Variants in ZC3H12B observed in about 807,000 individuals in gnomAD.
ZC3H12B encodes probable ribonuclease ZC3H12B.
In ZC3H12B, 7 loss-of-function variants were observed where a neutral mutation model predicts 43.9. The observed-to-expected ratio is 0.16, with a 90% CI of 0.09 to 0.30. The LOEUF (loss-of-function observed/expected upper bound fraction) is 0.30. ZC3H12B is among the 10% of genes least tolerant of loss of function. The probability of loss-of-function intolerance (pLI) is 1.00; values close to 1 mark genes in which losing one functional copy is unlikely to be tolerated. For missense variants in ZC3H12B, 475 were observed against 670.2 expected, an observed-to-expected ratio of 0.71 and a Z score of 3.22; for synonymous variants, 222 against 241.7, an observed-to-expected ratio of 0.92 and a Z score of 0.76.
At chrX:65,162,934 C>T in the ZC3H12B span, among the ~76,000 whole-genome samples, 2 of 112,034 alleles carry the variant, frequency 1.8e-5, no homozygotes, top group South Asian at 7.4e-4. Context: ...GTGATGCACA[C>T]ATGGGTTTTT....
In ZC3H12B at chrX:65,435,007, T is replaced by G. The variant is rs186513024; in HGVS notation, n.407+36303T>G. ...CTTCTCACACATCTCCTTCCCAACT[T>G]ACAGAATCCTACTATTTCTCAATCA... is the stretch of plus-strand genomic sequence containing the variant. On this transcript the variant is annotated intron_variant and non_coding_transcript_variant, in intron 3 of 5. Transcript: ENST00000617377. 1.1e-4 allele frequency among the ~76,000 whole-genome samples: 12 copies of G among 111,858 alleles called. No homozygotes were observed. The East Asian group carries it at 3.4e-3, about 31-fold the overall frequency.
chrX:65,044,553 A>G, the ZC3H12B span, among the ~76,000 whole-genome samples: 7 of 111,692 alleles, frequency 6.3e-5, no homozygotes, highest in Non-Finnish European at 1.3e-4. Flanking sequence ...ATATGTAAAG[A>G]GAATATTCTG....
At chrX:65,189,624 G>A in the ZC3H12B span, among the ~76,000 whole-genome samples, 16 of 101,594 alleles carry the variant, frequency 1.6e-4, no homozygotes, top group South Asian at 1.4e-3. Context: ...CATGTCCTTC[G>A]CCCACTTTTT....
At chrX:65,133,432 G>T in the ZC3H12B span, among the ~76,000 whole-genome samples, 1 of 109,932 alleles carries the variant, frequency 9.1e-6, no homozygotes, top group African/African-American at 3.3e-5. Context: ...TCTAAGGGTT[G>T]TTGCCAAATG....
upstream of ZC3H12B, among the ~76,000 whole-genome samples, chrX:65,363,377 C>T (rs371403598): frequency 2.7e-4 from 30 of 111,844 alleles, no homozygotes; most frequent in Admixed American, 2.1e-3. Context: ...ATCTCTCAAA[C>T]GCTGACCCCT....
At chrX:65,102,946 TA>T in the ZC3H12B span, among the ~76,000 whole-genome samples, 1 of 110,987 alleles carries the variant, frequency 9.0e-6, no homozygotes, top group South Asian at 3.8e-4. Flanking sequence ...TCAAGGGCAA[TA>T]AAATATCACA....
chrX:65,116,644 C>T, the ZC3H12B span, among the ~76,000 whole-genome samples: 5 of 109,698 alleles, frequency 4.6e-5, no homozygotes, highest in South Asian at 2.0e-3. Flanking sequence ...TATACATGTG[C>T]CATGTTGGTG....
chrX:65,414,009 T>G (rs999358980), intron 3 of ZC3H12B, among the ~76,000 whole-genome samples: 3 of 112,358 alleles, frequency 2.7e-5, no homozygotes, highest in Non-Finnish European at 5.6e-5. Flanking sequence ...TTACATTTAT[T>G]TCTAGGCATT....
chrX:65,174,440 C>G, the ZC3H12B span, among the ~76,000 whole-genome samples: 1 of 112,331 alleles, frequency 8.9e-6, no homozygotes, highest in Admixed American at 9.4e-5. Flanking sequence ...TCAGAGCCAG[C>G]AAGCAGGAAT....
At chrX:65,137,303 T>C in the ZC3H12B span, among the ~76,000 whole-genome samples, 1 of 112,141 alleles carries the variant, frequency 8.9e-6, no homozygotes, top group Non-Finnish European at 1.9e-5. Flanking sequence ...GTCAAAGCAA[T>C]ATTTAAGCTT....
the ZC3H12B span, among the ~76,000 whole-genome samples, chrX:65,359,858 C>G: frequency 8.9e-6 from 1 of 111,879 alleles, no homozygotes; most frequent in Non-Finnish European, 1.9e-5. Context: ...AAAATGTTAT[C>G]AACCAGAATC....
At chrX:65,316,142 A>G in the ZC3H12B span, among the ~76,000 whole-genome samples, 1 of 111,918 alleles carries the variant, frequency 8.9e-6, no homozygotes, top group Non-Finnish European at 1.9e-5. Context: ...AGCAATAAAG[A>G]AGAATGGACA....
At chrX:65,469,356 G>A (rs1294999524) in intron 3 of ZC3H12B, 4 of 397,082 alleles carry the variant, frequency 1.0e-5, no homozygotes, top group Non-Finnish European at 4.7e-6. Flanking sequence ...GCTGGTCAAT[G>A]CCAAAGGCAG....
chrX:65,230,276 A>G, the ZC3H12B span, among the ~76,000 whole-genome samples: 5 of 110,443 alleles, frequency 4.5e-5, no homozygotes, highest in African/African-American at 9.9e-5. Flanking sequence ...TCAGTAAACT[A>G]TTGCAAGAAC....
At chrX:65,038,216 T>C in the ZC3H12B span, among the ~76,000 whole-genome samples, 9 of 111,634 alleles carry the variant, frequency 8.1e-5, no homozygotes, top group African/African-American at 2.9e-4. Context: ...ATACTCAAAC[T>C]TGAAATTTTT....
intron 2 of ZC3H12B, among the ~76,000 whole-genome samples, chrX:65,369,623 C>A (rs1163299520): frequency 9.0e-6 from 1 of 111,418 alleles, no homozygotes; most frequent in African/African-American, 3.3e-5. Flanking sequence ...AAATACTTTA[C>A]AACCACAATA....
At chrX:65,095,698 T>C in the ZC3H12B span, among the ~76,000 whole-genome samples, 4 of 111,990 alleles carry the variant, frequency 3.6e-5, no homozygotes, top group East Asian at 1.1e-3. Context: ...GAAGAGCAAC[T>C]GTTTTACCAG....
At chrX:65,160,361 G>A in the ZC3H12B span, among the ~76,000 whole-genome samples, 1 of 111,522 alleles carries the variant, frequency 9.0e-6, no homozygotes, top group Admixed American at 9.5e-5. Flanking sequence ...TGTACCTCTG[G>A]TAGAATTCGG....
chrX:65,151,775 C>G, the ZC3H12B span, among the ~76,000 whole-genome samples: 2 of 111,188 alleles, frequency 1.8e-5, no homozygotes, highest in Non-Finnish European at 3.8e-5. Flanking sequence ...ACAGACACAA[C>G]CAAAAAAGAG....
Sources: allele counts gnomAD v4.1 joint callset (sites outside exome capture counted in the v4.1 genomes callset), GRCh38; gene constraint gnomAD v4.1.1; transcripts MANE v1.5; gene names NCBI Gene and HGNC (gene_info 2026-07-23, HGNC 2026-07-21).